Variants in TGFA observed in about 807,000 individuals in gnomAD.
TGFA encodes protransforming growth factor alpha.
Under a neutral mutation model 21.7 loss-of-function variants are expected in TGFA, and 12 were observed. That is an observed-to-expected ratio of 0.55 (90% confidence interval 0.35 to 0.90). The LOEUF is 0.90. TGFA is among the 40% of genes least tolerant of loss of function. The probability of loss-of-function intolerance (pLI) is 0.01; values close to 1 mark genes in which losing one functional copy is unlikely to be tolerated. For missense variants in TGFA, 178 were observed against 210.8 expected, an observed-to-expected ratio of 0.84 and a Z score of 0.96; for synonymous variants, 79 against 88.1, an observed-to-expected ratio of 0.90 and a Z score of 0.58.
At chr2:70,511,890 TACAC>T (rs36084203) in intron 2 of TGFA, among the ~76,000 whole-genome samples, 8,297 of 142,902 alleles carry the variant, frequency 0.058, 229 homozygotes, top group African/African-American at 0.071. Flanking sequence ...TAGTCATGAA[TACAC>T]ACACACACAC....
chr2:70,485,126 T>C (rs1427060711), intron 2 of TGFA, among the ~76,000 whole-genome samples: 1 of 152,230 alleles, frequency 6.6e-6, no homozygotes, highest in Non-Finnish European at 1.5e-5. Flanking sequence ...AATCTGTAGT[T>C]ACCCAAGGTG....
chr2:70,523,325 G>C (rs782146240), intron 1 of TGFA, among the ~76,000 whole-genome samples: 1 of 152,164 alleles, frequency 6.6e-6, no homozygotes, highest in Non-Finnish European at 1.5e-5. Context: ...GTGAACGTTC[G>C]TTGTGAATGT....
chr2:70,528,973 G>C (rs868958031), intron 1 of TGFA, among the ~76,000 whole-genome samples: 6 of 152,194 alleles, frequency 3.9e-5, no homozygotes, highest in Admixed American at 6.5e-5. Flanking sequence ...GACGAGGGGG[G>C]CTTTTAATTG....
At chr2:70,451,046 A>G (rs1314378713) in intron 5 of TGFA, among the ~76,000 whole-genome samples, 180 bp from the exon 6 acceptor site, 1 of 152,046 alleles carries the variant, frequency 6.6e-6, no homozygotes, top group African/African-American at 2.4e-5. Flanking sequence ...CTGACCTAGT[A>G]CTTTCAGTGC....
chr2:70,517,281 A>G (rs542877502), intron 1 of TGFA, among the ~76,000 whole-genome samples: 1 of 152,206 alleles, frequency 6.6e-6, no homozygotes, highest in African/African-American at 2.4e-5. Context: ...CACGGAAAAC[A>G]ACTTCTTGGT....
chr2:70,464,087 A>G (rs1476685312), intron 3 of TGFA, among the ~76,000 whole-genome samples: 1 of 152,204 alleles, frequency 6.6e-6, no homozygotes, highest in Non-Finnish European at 1.5e-5. Flanking sequence ...AGACTCACAC[A>G]GCTGCACCTC....
intron 1 of TGFA, among the ~76,000 whole-genome samples, chr2:70,516,307 G>A (rs1672275794): frequency 6.6e-6 from 1 of 151,900 alleles, no homozygotes; most frequent in Admixed American, 6.5e-5. Context: ...TCTGCAGGCT[G>A]TGAGGGTTCC....
intron 1 of TGFA, among the ~76,000 whole-genome samples, chr2:70,533,622 TAGG>T (rs1672882364): frequency 6.9e-6 from 1 of 144,922 alleles, no homozygotes; most frequent in African/African-American, 2.6e-5. Flanking sequence ...GGCTGCTGGA[TAGG>T]CTGCTGGTCT....
chr2:70,501,350 C>T (rs782278016), intron 2 of TGFA, among the ~76,000 whole-genome samples: 40 of 151,412 alleles, frequency 2.6e-4, no homozygotes, highest in Admixed American at 4.6e-4. Flanking sequence ...GTTCACAAGT[C>T]TGGCAGACAG....
intron 2 of TGFA, among the ~76,000 whole-genome samples, chr2:70,482,379 A>G (rs1553495784): frequency 6.6e-6 from 1 of 152,178 alleles, no homozygotes; most frequent in African/African-American, 2.4e-5. Flanking sequence ...GGAAATCCAA[A>G]AACAGGCAGT....
At chr2:70,459,687 G>A (rs1255328714) in intron 3 of TGFA, among the ~76,000 whole-genome samples, 1 of 152,216 alleles carries the variant, frequency 6.6e-6, no homozygotes, top group Non-Finnish European at 1.5e-5. Context: ...TTTTCTACCA[G>A]AGGAACATTT....
chr2:70,487,350 T>A (rs1315666424), intron 2 of TGFA, among the ~76,000 whole-genome samples: 1 of 152,186 alleles, frequency 6.6e-6, no homozygotes, highest in Admixed American at 6.5e-5. Context: ...TTGGAAGTCT[T>A]TTGGATTTTG....
chr2:70,489,717 G>T (rs1219551451), intron 2 of TGFA, among the ~76,000 whole-genome samples: 1 of 152,218 alleles, frequency 6.6e-6, no homozygotes, highest in Non-Finnish European at 1.5e-5. Flanking sequence ...ACCATGTAGG[G>T]TCTAGCTATA....
chr2:70,504,514 ACACAG>A (rs1234790646), intron 2 of TGFA, among the ~76,000 whole-genome samples: 1 of 146,744 alleles, frequency 6.8e-6, no homozygotes, highest in Non-Finnish European at 1.5e-5. Flanking sequence ...ACACACACAC[ACACAG>A]AAGATTCCAT....
chr2:70,547,556 A>C (rs1243770172), intron 1 of TGFA, among the ~76,000 whole-genome samples: 1 of 150,500 alleles, frequency 6.6e-6, no homozygotes, highest in African/African-American at 2.4e-5. Context: ...AAAAAAAAAA[A>C]AAAACATGAA....
chr2:70,466,648 A>G (rs1453791065), intron 2 of TGFA, among the ~76,000 whole-genome samples: 1 of 152,214 alleles, frequency 6.6e-6, no homozygotes, highest in African/African-American at 2.4e-5. Flanking sequence ...AGGAGTGATA[A>G]GGCTATAAAG....
At position 70,450,774 on chromosome 2, in the gene TGFA, G is replaced by C; in HGVS notation, c.*85C>G. 1.3e-6 allele frequency: 2 copies of C among 1,502,796 alleles called. No homozygotes were observed. The highest frequency in any genetic ancestry group is 1.8e-6 in the Non-Finnish European group (2 of 1,094,460). 93.1% of individuals were successfully genotyped at this position (1,502,796 alleles called of 1,614,324 possible). On this transcript the variant is annotated 3_prime_UTR_variant, in exon 6 of 6. Coordinates refer to ENST00000295400, the MANE Select transcript of TGFA (RefSeq NM_003236.4). ...AGTAGGAAGGTCTGTGGCACACCCA[G>C]GCATCTCTGGCAGTGCTGTCCTGAA...
chr2:70,454,050 A>G (rs1388167370), intron 4 of TGFA, among the ~76,000 whole-genome samples: 9 of 151,614 alleles, frequency 5.9e-5, no homozygotes, highest in Admixed American at 5.9e-4. Context: ...GCACTGAGTG[A>G]GAGATGAGTT....
intron 2 of TGFA, among the ~76,000 whole-genome samples, chr2:70,483,725 C>T (rs1327063280): frequency 6.6e-6 from 1 of 152,176 alleles, no homozygotes; most frequent in African/African-American, 2.4e-5. Flanking sequence ...CCAATAGCCA[C>T]AACTCTAGTT....
Sources: gnomAD v4.1 joint callset for allele counts (sites outside exome capture counted in the v4.1 genomes callset) on GRCh38, gnomAD v4.1.1 for gene constraint, MANE v1.5 for transcripts, NCBI Gene and HGNC (gene_info 2026-07-23, HGNC 2026-07-21) for gene names.